Variants in CNTN4 observed in about 807,000 individuals in gnomAD.
The protein encoded by CNTN4 is contactin 4.
Under a neutral mutation model 122.5 loss-of-function variants are expected in CNTN4, and 77 were observed. The ratio of observed to expected loss-of-function variants is 0.63; its 90% CI spans 0.52 to 0.76. The LOEUF is 0.76. CNTN4 is among the 30% of genes least tolerant of loss of function. The pLI, the probability that CNTN4 is intolerant of heterozygous loss-of-function variation, is 0.00. For missense variants in CNTN4, 1,256 were observed against 1,259.1 expected, an observed-to-expected ratio of 1.00 and a Z score of 0.04; for synonymous variants, 512 against 447.0, an observed-to-expected ratio of 1.15 and a Z score of -1.83.
chr3:2,547,517 C>T (rs1455853338), intron 3 of CNTN4, among the ~76,000 whole-genome samples: 1 of 152,038 alleles, frequency 6.6e-6, no homozygotes, highest in African/African-American at 2.4e-5. Context: ...CTGCCTACCT[C>T]GGCCTTCCAA....
chr3:2,207,232 A>C (rs966717731), intron 2 of CNTN4, among the ~76,000 whole-genome samples: 9 of 151,990 alleles, frequency 5.9e-5, no homozygotes, highest in African/African-American at 1.9e-4. Flanking sequence ...ATAATATTGA[A>C]ATTAGGCCGA....
intron 8 of CNTN4, among the ~76,000 whole-genome samples, chr3:2,872,492 A>C (rs2150892920): frequency 6.6e-6 from 1 of 151,996 alleles, no homozygotes; most frequent in South Asian, 2.1e-4. Context: ...TGTTTTTTAA[A>C]TTTTGCTTAT....
At position 2,388,431 on chromosome 3, in the gene CNTN4, C is replaced by T. The variant is rs544319025; in HGVS notation, c.-89+49198C>T. Reference sequence around the variant, plus strand: ...GCCCACACTGGCCTCCCTTCCTCTACTCTGGCCACACCTTGCTATTAATTA... The same window carrying T: ...GCCCACACTGGCCTCCCTTCCTCTATTCTGGCCACACCTTGCTATTAATTA... On this transcript the variant is annotated intron_variant, in intron 3 of 24. Transcript: ENST00000418658. 1.2e-4 allele frequency among the ~76,000 whole-genome samples: 18 copies of T among 152,320 alleles called. No individual in the cohort carries two copies. The South Asian group carries it at 2.7e-3, about 23-fold the overall frequency.
chr3:2,872,186 A>T (rs1403821783), intron 8 of CNTN4, among the ~76,000 whole-genome samples: 1 of 152,206 alleles, frequency 6.6e-6, no homozygotes, highest in African/African-American at 2.4e-5. Flanking sequence ...CTCATATAGC[A>T]TAACTACTAA....
At chr3:3,054,326 G>A (rs1701574067) in intron 24 of CNTN4, among the ~76,000 whole-genome samples, 2 of 152,216 alleles carry the variant, frequency 1.3e-5, no homozygotes, top group Non-Finnish European at 2.9e-5. Context: ...GAAGGAACAA[G>A]GACAAGCATT....
chr3:2,853,301 G>C (rs1000904013), intron 7 of CNTN4, among the ~76,000 whole-genome samples: 9 of 152,130 alleles, frequency 5.9e-5, no homozygotes, highest in Admixed American at 2.0e-4. Context: ...CTGGAGTGCA[G>C]TGGTGCGATC....
intron 2 of CNTN4, among the ~76,000 whole-genome samples, chr3:2,316,673 T>C (rs1040549114): frequency 6.6e-6 from 1 of 152,118 alleles, no homozygotes; most frequent in African/African-American, 2.4e-5. Flanking sequence ...TTGTCTTCAT[T>C]TTCCCCATTG....
At chr3:2,177,059 A>G (rs979115375) in intron 2 of CNTN4, among the ~76,000 whole-genome samples, 1 of 152,130 alleles carries the variant, frequency 6.6e-6, no homozygotes, top group African/African-American at 2.4e-5. Flanking sequence ...TTTGATGTCC[A>G]CTTCCTTGTA....
At chr3:2,518,015 C>T (rs1425701773) in intron 3 of CNTN4, among the ~76,000 whole-genome samples, 2 of 152,176 alleles carry the variant, frequency 1.3e-5, no homozygotes, top group Non-Finnish European at 2.9e-5. Context: ...GTCCCCCTCC[C>T]CTACCTCTCC....
chr3:2,181,264 G>A (rs894656849), intron 2 of CNTN4, among the ~76,000 whole-genome samples: 2 of 151,960 alleles, frequency 1.3e-5, no homozygotes, highest in South Asian at 2.1e-4. Flanking sequence ...TGATCACCCC[G>A]AGGGTTTTTA....
At chr3:2,605,447 G>A (rs572633613) in intron 4 of CNTN4, among the ~76,000 whole-genome samples, 1 of 152,276 alleles carries the variant, frequency 6.6e-6, no homozygotes, top group African/African-American at 2.4e-5. Flanking sequence ...TTTTCTGGAT[G>A]AGCTGGGAAG....
chr3:2,949,546 C>A (rs1261983906), intron 13 of CNTN4, among the ~76,000 whole-genome samples: 1 of 152,144 alleles, frequency 6.6e-6, no homozygotes, highest in Non-Finnish European at 1.5e-5. Flanking sequence ...CAGGCTAAGC[C>A]AATCAGACCC....
At chr3:2,606,186 C>T (rs1576190413) in intron 4 of CNTN4, among the ~76,000 whole-genome samples, 1 of 152,278 alleles carries the variant, frequency 6.6e-6, no homozygotes, top group East Asian at 1.9e-4. Context: ...TGGACCAGAT[C>T]ACACTGGGCT....
chr3:2,621,163 C>G (rs993863021), intron 4 of CNTN4, among the ~76,000 whole-genome samples: 1 of 152,114 alleles, frequency 6.6e-6, no homozygotes, highest in Non-Finnish European at 1.5e-5. Flanking sequence ...GTTAAGCACC[C>G]CCTGTTCTCG....
rs960935047 is a variant in CNTN4, at chr3:2,605,263, G to A, written c.55+33705G>A. 2.0e-5 allele frequency among the ~76,000 whole-genome samples: 3 copies of A among 152,302 alleles called. 1 individual carries two copies. The highest frequency in any genetic ancestry group is 2.1e-4 in the South Asian group (1 of 4,820). ...GTGTTCCCGAGTTGGGATTACAGGCGTGAGCCACCATGCCCAGCTCTCTGC... is the reference window on the plus strand; with the variant it reads ...GTGTTCCCGAGTTGGGATTACAGGCATGAGCCACCATGCCCAGCTCTCTGC... On this transcript the variant is annotated intron_variant, in intron 4 of 24. Transcript: ENST00000418658.
At chr3:2,340,710 T>G (rs11914925) in intron 3 of CNTN4, among the ~76,000 whole-genome samples, 5,965 of 17,726 alleles carry the variant, frequency 0.34, 1,241 homozygotes, top group East Asian at 0.82. Flanking sequence ...TATATATATA[T>G]AGAGAGAGAG....
intron 13 of CNTN4, chr3:2,985,620 C>T (rs1463068583): frequency 6.6e-6 from 1 of 152,398 alleles, no homozygotes; most frequent in East Asian, 1.9e-4. Context: ...CATGGGTCAC[C>T]CCAGCCCAAA....
At chr3:2,185,334 T>C (rs1268339351) in intron 2 of CNTN4, among the ~76,000 whole-genome samples, 1 of 152,168 alleles carries the variant, frequency 6.6e-6, no homozygotes, top group Non-Finnish European at 1.5e-5. Flanking sequence ...TTCCCTCTAG[T>C]GTGTAAAGTC....
At chr3:2,610,035 C>T (rs918120331) in intron 4 of CNTN4, among the ~76,000 whole-genome samples, 17 of 152,170 alleles carry the variant, frequency 1.1e-4, no homozygotes, top group East Asian at 3.9e-4. Context: ...GCACAGTGCC[C>T]GCACATGGTA....
Sources: allele counts gnomAD v4.1 joint callset (sites outside exome capture counted in the v4.1 genomes callset), GRCh38; gene constraint gnomAD v4.1.1; transcripts MANE v1.5; gene names NCBI Gene and HGNC (gene_info 2026-07-23, HGNC 2026-07-21).